Variants in MTHFD2L observed in about 807,000 individuals in gnomAD.
The protein encoded by MTHFD2L is methylenetetrahydrofolate dehydrogenase (NADP+ dependent) 2 like.
MTHFD2L carries 29 observed loss-of-function variants against 34.9 expected under a neutral mutation model. The ratio of observed to expected loss-of-function variants is 0.83; its 90% CI spans 0.62 to 1.13. The LOEUF is 1.13. MTHFD2L is among the 50% of genes most tolerant of loss of function. The probability of loss-of-function intolerance (pLI) is 0.00; values close to 1 mark genes in which losing one functional copy is unlikely to be tolerated. For missense variants in MTHFD2L, 481 were observed against 446.5 expected (o/e 1.08, Z -0.70); for synonymous variants, 167 against 155.7 (o/e 1.07, Z -0.54).
intron 7 of MTHFD2L, among the ~76,000 whole-genome samples, chr4:74,295,176 C>T (rs1281922631): frequency 1.3e-5 from 2 of 152,054 alleles, no homozygotes; most frequent in East Asian, 1.9e-4. Flanking sequence ...CCATATAGCC[C>T]ATGATCACCT....
At chr4:74,250,714 C>A (rs1743184762) in intron 6 of MTHFD2L, among the ~76,000 whole-genome samples, 1 of 152,168 alleles carries the variant, frequency 6.6e-6, no homozygotes, top group African/African-American at 2.4e-5. Context: ...TACTCCCTAG[C>A]AAATCCAGTC....
At chr4:74,292,955 G>A (rs537007381) in intron 7 of MTHFD2L, among the ~76,000 whole-genome samples, 3 of 152,082 alleles carry the variant, frequency 2.0e-5, no homozygotes, top group African/African-American at 7.2e-5. Flanking sequence ...ATGCTATTTG[G>A]TTCCACTAAT....
chr4:74,196,607 G>A (rs993034975), intron 3 of MTHFD2L, among the ~76,000 whole-genome samples: 1 of 151,214 alleles, frequency 6.6e-6, no homozygotes, highest in East Asian at 1.9e-4. Context: ...TTTTTTTTCT[G>A]TTCATTGTCC....
In MTHFD2L at chr4:74,201,312, C is replaced by G; in HGVS notation, c.654C>G (p.Asn218Lys). 3 of 1,613,678 alleles carry G rather than the reference C, an allele frequency of 1.9e-6. No homozygotes were observed. The highest frequency in any genetic ancestry group is 2.5e-6 in the Non-Finnish European group (3 of 1,179,816). Reference sequence around the variant, plus strand: ...TGGTTGTGGCTGGAAGATCCAAGAACGTAGGGATGCCTATTGCCATGCTTT... The same window carrying G: ...TGGTTGTGGCTGGAAGATCCAAGAAGGTAGGGATGCCTATTGCCATGCTTT... ...KNVVVAGRSK[N>K]VGMPIAMLLH... is the part of the protein sequence containing the mutation. The change falls in exon 5 of 8, where the codon AAC (asparagine) becomes AAG (lysine). Residue 218 changes from asparagine (N) to lysine (K), a missense_variant. Physicochemically the swap from Asn to Lys is moderately conservative, Grantham distance 94. Coordinates refer to ENST00000325278, the MANE Select transcript of MTHFD2L (RefSeq NM_001144978.3).
upstream of MTHFD2L, among the ~76,000 whole-genome samples, chr4:74,156,168 TAAC>T (rs1724237835): frequency 6.6e-6 from 1 of 152,158 alleles, no homozygotes; most frequent in Non-Finnish European, 1.5e-5. Flanking sequence ...GTCACGTGTC[TAAC>T]ATTACAGTAT....
chr4:74,215,723 A>T (rs1305617183), intron 5 of MTHFD2L, among the ~76,000 whole-genome samples: 1 of 151,882 alleles, frequency 6.6e-6, no homozygotes, highest in Non-Finnish European at 1.5e-5. Context: ...AGCAATGTAT[A>T]AAACACAATG....
chr4:74,145,402 A>G (rs1042299202), intron 1 of MTHFD2L, among the ~76,000 whole-genome samples: 1 of 152,202 alleles, frequency 6.6e-6, no homozygotes, highest in African/African-American at 2.4e-5. Flanking sequence ...ATATAAAAAG[A>G]CTTTAGTATC....
intron 7 of MTHFD2L, chr4:74,293,599 T>A: frequency 1.2e-6 from 1 of 857,500 alleles, no homozygotes; most frequent in Non-Finnish European, 1.4e-6. Flanking sequence ...CCGGAGCACT[T>A]GATTCCTGGT....
chr4:74,212,042 C>A (rs531465696), intron 5 of MTHFD2L, among the ~76,000 whole-genome samples: 44 of 152,178 alleles, frequency 2.9e-4, no homozygotes, highest in African/African-American at 1.0e-3. Flanking sequence ...TCCCCTTTAT[C>A]ATTTTTTGTT....
intron 6 of MTHFD2L, chr4:74,242,095 A>C (rs1741802142): frequency 6.6e-6 from 1 of 152,160 alleles, no homozygotes; most frequent in Non-Finnish European, 1.5e-5. Flanking sequence ...GTAGTTTGGC[A>C]AGATATTATC....
chr4:74,194,517 A>G (rs951148723), intron 3 of MTHFD2L: 2 of 152,134 alleles, frequency 1.3e-5, no homozygotes, highest in African/African-American at 4.8e-5. Flanking sequence ...TTCTGTAAGA[A>G]GTTTAGTCCA....
At chr4:74,195,558 C>G (rs1411939992) in intron 3 of MTHFD2L, 1 of 152,176 alleles carries the variant, frequency 6.6e-6, no homozygotes, top group Non-Finnish European at 1.5e-5. Flanking sequence ...TTTAAGATGA[C>G]TCCAGGTTTT....
At chr4:74,177,786 A>T (rs1014589507) in intron 3 of MTHFD2L, among the ~76,000 whole-genome samples, 3 of 152,010 alleles carry the variant, frequency 2.0e-5, no homozygotes, top group Non-Finnish European at 4.4e-5. Context: ...TGTCAAAGAG[A>T]TATCTGCACT....
chr4:74,201,783 A>T (rs552661362), intron 5 of MTHFD2L, among the ~76,000 whole-genome samples: 21 of 152,152 alleles, frequency 1.4e-4, no homozygotes, highest in Non-Finnish European at 1.2e-4. Flanking sequence ...TGAGGCTTAG[A>T]GTTGTTATCT....
intron 6 of MTHFD2L, chr4:74,266,767 A>T: frequency 1.3e-6 from 1 of 747,090 alleles, no homozygotes; most frequent in Non-Finnish European, 1.6e-6. Flanking sequence ...CACTTTTCTG[A>T]GTCAATCAGC....
chr4:74,263,529 T>C (rs775327328), intron 6 of MTHFD2L, among the ~76,000 whole-genome samples: 16 of 152,000 alleles, frequency 1.1e-4, no homozygotes, highest in Non-Finnish European at 1.9e-4. Context: ...GTTCTCCTTG[T>C]AGAGATCTTT....
chr4:74,258,991 A>G (rs557996212), intron 6 of MTHFD2L, among the ~76,000 whole-genome samples: 1 of 152,374 alleles, frequency 6.6e-6, no homozygotes, highest in South Asian at 2.1e-4. Context: ...TAGCAAATGC[A>G]TAAACATTTA....
At chr4:74,158,624 T>C (rs1724710639) in intron 1 of MTHFD2L, among the ~76,000 whole-genome samples, 1 of 152,250 alleles carries the variant, frequency 6.6e-6, no homozygotes, top group African/African-American at 2.4e-5. Context: ...TTACTTTGGT[T>C]ATTTTAGTGT....
chr4:74,180,249 A>G (rs1438768269), intron 3 of MTHFD2L, among the ~76,000 whole-genome samples: 1 of 152,098 alleles, frequency 6.6e-6, no homozygotes, highest in Non-Finnish European at 1.5e-5. Flanking sequence ...GAATAAATGG[A>G]GCTCATTAGT....
Sources: gnomAD v4.1 joint callset for allele counts (sites outside exome capture counted in the v4.1 genomes callset) on GRCh38, gnomAD v4.1.1 for gene constraint, MANE v1.5 for transcripts, NCBI Gene and HGNC (gene_info 2026-07-23, HGNC 2026-07-21) for gene names.